The following LDB2 variants were observed in gnomAD, a reference collection of about 807,000 sequenced individuals.
LDB2 encodes LIM domain binding 2, also known as LIM domain-binding protein 2.
In LDB2, 12 loss-of-function variants were observed where a neutral mutation model predicts 44.3. The observed-to-expected ratio is 0.27, with a 90% confidence interval of 0.17 to 0.44. The LOEUF (loss-of-function observed/expected upper bound fraction) is 0.44. Ranked by LOEUF, LDB2 falls within the 20% of genes least tolerant of loss-of-function variation. The pLI, the probability that LDB2 is intolerant of heterozygous loss-of-function variation, is 1.00. For synonymous variants in LDB2, 164 were observed against 174.8 expected (o/e 0.94, Z 0.49); for missense variants, 344 against 473.5 (o/e 0.73, Z 2.54).
At chr4:16,558,843 C>T (rs1452835488) in intron 5 of LDB2, among the ~76,000 whole-genome samples, 1 of 152,130 alleles carries the variant, frequency 6.6e-6, no homozygotes, top group Non-Finnish European at 1.5e-5. Context: ...GGAAGCCCAT[C>T]AGACTAACAG....
At chr4:16,765,434 T>C (rs1409264902) in intron 1 of LDB2, among the ~76,000 whole-genome samples, 4 of 152,308 alleles carry the variant, frequency 2.6e-5, no homozygotes, top group African/African-American at 9.6e-5. Flanking sequence ...TCTTTCACTG[T>C]CTCCTGTACT....
chr4:16,776,619 T>C (rs1771962233), intron 1 of LDB2, among the ~76,000 whole-genome samples: 1 of 152,218 alleles, frequency 6.6e-6, no homozygotes, highest in Non-Finnish European at 1.5e-5. Flanking sequence ...GATTTAGTGA[T>C]GATGTAGTGA....
At chr4:16,755,531 GAGAGAGAGAGACAGACAGA>G (rs1561114580) in intron 2 of LDB2, among the ~76,000 whole-genome samples, 666 of 24,758 alleles carry the variant, frequency 0.027, 3 homozygotes, top group Middle Eastern at 0.075. Flanking sequence ...GTGTATGTGA[GAGAGAGAGAGACAGACAGA>G]CAGAGAGAGA....
chr4:16,637,882 G>T (rs1216619668), intron 2 of LDB2, among the ~76,000 whole-genome samples: 2 of 152,162 alleles, frequency 1.3e-5, no homozygotes, highest in Admixed American at 1.3e-4. Context: ...TCAAAAGAGA[G>T]GGGGCACAGG....
chr4:16,684,714 C>T (rs759735900), intron 2 of LDB2, among the ~76,000 whole-genome samples: 17 of 152,186 alleles, frequency 1.1e-4, no homozygotes, highest in African/African-American at 2.4e-5. Context: ...GATTTGATAA[C>T]ATCGCCACCA....
At position 16,569,194 on chromosome 4, in the gene LDB2, A is replaced by C. The variant is rs1745552217; in HGVS notation, c.615+16728T>G. On this transcript the variant is annotated intron_variant, in intron 5 of 7. Transcript: ENST00000304523. The stretch of plus-strand genomic sequence containing the variant: ...GTTGGAAGAGGAAGGATAAAAAATA[A>C]CTTCTTCAATTCCTAAGGCTACAAA... 1.3e-5 allele frequency among the ~76,000 whole-genome samples: 2 copies of C among 152,202 alleles called. 1 individual carries two copies. The highest frequency in any genetic ancestry group is 4.1e-4 in the South Asian group (2 of 4,836).
chr4:16,783,876 G>A (rs1053487057), intron 1 of LDB2, among the ~76,000 whole-genome samples: 1 of 151,904 alleles, frequency 6.6e-6, no homozygotes, highest in Non-Finnish European at 1.5e-5. Context: ...TTATTTTGTT[G>A]CAATGTATAA....
chr4:16,582,792 G>A lies in LDB2; in HGVS notation c.615+3130C>T, dbSNP rs1490283044. 2.0e-5 allele frequency among the ~76,000 whole-genome samples: 3 copies of A among 152,034 alleles called. No homozygotes were observed. Among genetic ancestry groups the A allele is most frequent in the African/African-American group, 4.8e-5 (2 of 41,416 alleles). Reference sequence around the variant, plus strand: ...AGGGCGCCATCTCTGCAGGCTCAGCGGCTTCCAGCCACAGCTCCACTGGGA... The same window carrying A: ...AGGGCGCCATCTCTGCAGGCTCAGCAGCTTCCAGCCACAGCTCCACTGGGA... On this transcript the variant is annotated intron_variant, in intron 5 of 7. Coordinates refer to ENST00000304523, the MANE Select transcript of LDB2 (RefSeq NM_001290.5). The surrounding 1 kb of genome is among the most constrained non-coding windows in gnomAD (Gnocchi z 4.8).
intron 2 of LDB2, among the ~76,000 whole-genome samples, chr4:16,709,886 G>T (rs1167589322): frequency 6.6e-6 from 1 of 152,052 alleles, no homozygotes; most frequent in Non-Finnish European, 1.5e-5. Flanking sequence ...TTCTCTACCT[G>T]GCCAATTTTA....
intron 5 of LDB2, among the ~76,000 whole-genome samples, chr4:16,558,289 G>C (rs1740567826): frequency 6.6e-6 from 1 of 152,050 alleles, no homozygotes; most frequent in Non-Finnish European, 1.5e-5. Flanking sequence ...GCAAACCAAA[G>C]GCAAAGAAGT....
At chr4:16,665,268 CTT>C (rs5856376) in intron 2 of LDB2, among the ~76,000 whole-genome samples, 4 of 127,214 alleles carry the variant, frequency 3.1e-5, no homozygotes, top group Admixed American at 8.7e-5. Flanking sequence ...TTTTTCATTT[CTT>C]TTTTTTTTTT....
At chr4:16,673,832 A>T (rs1260901209) in intron 2 of LDB2, among the ~76,000 whole-genome samples, 1 of 152,192 alleles carries the variant, frequency 6.6e-6, no homozygotes. Flanking sequence ...TTGGGAAAGC[A>T]TGGGCTACCC....
chr4:16,757,138 G>T (rs982228071), intron 2 of LDB2, among the ~76,000 whole-genome samples: 2 of 152,142 alleles, frequency 1.3e-5, no homozygotes, highest in Non-Finnish European at 2.9e-5. Flanking sequence ...AGGTACCAGC[G>T]CCTGAGCTCA....
At chr4:16,534,241 A>C (rs755191328) in intron 5 of LDB2, among the ~76,000 whole-genome samples, 40 of 152,226 alleles carry the variant, frequency 2.6e-4, no homozygotes, top group Non-Finnish European at 5.7e-4. Flanking sequence ...TTTTGTATGT[A>C]GCAAAATGTG....
rs78173134 is a variant in LDB2 at position 16,679,974 on chromosome 4, T to C, written c.235+79184A>G. Among the ~76,000 whole-genome samples the C allele has an allele frequency of 5.1e-3, 771 of 152,324 alleles. 10 individuals are homozygous for C. Among genetic ancestry groups the C allele is most frequent in the African/African-American group, 0.018 (737 of 41,574 alleles). ...TAATTTCACCTCTCACTGTCTGCTA[T>C]AGATGGAATCTTTATAAGCCCCCCA... On this transcript the variant is annotated intron_variant, in intron 2 of 7. Transcript: ENST00000304523.
At chr4:16,769,176 G>T (rs112440344) in intron 1 of LDB2, among the ~76,000 whole-genome samples, 2,196 of 152,256 alleles carry the variant, frequency 0.014, 18 homozygotes, top group South Asian at 0.027. Flanking sequence ...ACAAATAAAA[G>T]TAATAAGGTA....
intron 5 of LDB2, among the ~76,000 whole-genome samples, chr4:16,515,158 C>CATTA (rs902009337): frequency 9.9e-5 from 15 of 152,268 alleles, no homozygotes; most frequent in African/African-American, 3.6e-4. Flanking sequence ...AGCTGGAGTC[C>CATTA]ATTATCCTAA....
intron 2 of LDB2, among the ~76,000 whole-genome samples, chr4:16,718,198 G>C (rs1004067523): frequency 6.6e-6 from 1 of 151,972 alleles, no homozygotes; most frequent in Non-Finnish European, 1.5e-5. Context: ...GCTGGGTATT[G>C]TACAAGGTAC....
intron 1 of LDB2, among the ~76,000 whole-genome samples, chr4:16,768,983 A>C (rs1700166890): frequency 1.3e-5 from 2 of 152,226 alleles, no homozygotes; most frequent in Admixed American, 1.3e-4. Context: ...TAGCAAGTTT[A>C]GACTCATGAC....
Sources: allele counts gnomAD v4.1 joint callset (sites outside exome capture counted in the v4.1 genomes callset), GRCh38; gene constraint gnomAD v4.1.1; non-coding constraint Gnocchi (gnomAD v3.1); transcripts MANE v1.5; gene names NCBI Gene and HGNC (gene_info 2026-07-23, HGNC 2026-07-21).